The following UBE2V2 variants were observed in gnomAD, a reference collection of about 807,000 sequenced individuals.
The protein encoded by UBE2V2 is ubiquitin conjugating enzyme E2 V2.
UBE2V2 carries 9 observed loss-of-function variants against 17.2 expected under a neutral mutation model. The ratio of observed to expected loss-of-function variants is 0.52; its 90% CI spans 0.32 to 0.91. UBE2V2 has a LOEUF of 0.91. UBE2V2 is among the 40% of genes least tolerant of loss of function. The probability of loss-of-function intolerance (pLI) is 0.04; values close to 1 mark genes in which losing one functional copy is unlikely to be tolerated. For synonymous variants in UBE2V2, 61 were observed against 57.5 expected (o/e 1.06, Z -0.28); for missense variants, 133 against 182.6 (o/e 0.73, Z 1.56).
intron 3 of UBE2V2, among the ~76,000 whole-genome samples, chr8:48,051,131 G>A (rs1012720907): frequency 6.6e-6 from 1 of 152,202 alleles, no homozygotes; most frequent in Non-Finnish European, 1.5e-5. Context: ...ACAGGCGTGA[G>A]CCACTGTGTC....
At chr8:48,017,350 A>G (rs1477710443) in intron 1 of UBE2V2, among the ~76,000 whole-genome samples, 1 of 150,528 alleles carries the variant, frequency 6.6e-6, no homozygotes, top group Admixed American at 6.6e-5. Context: ...TTACGAGTAT[A>G]GTGAACCATT....
At chr8:48,035,014 G>C in intron 1 of UBE2V2, 1 of 985,116 alleles carries the variant, frequency 1.0e-6, no homozygotes, top group Non-Finnish European at 1.2e-6. Flanking sequence ...TTACATGATG[G>C]TTGGCTTCCA....
intron 1 of UBE2V2, among the ~76,000 whole-genome samples, chr8:48,033,010 G>A (rs1720179042): frequency 1.3e-5 from 2 of 152,046 alleles, no homozygotes; most frequent in South Asian, 4.1e-4. Context: ...CACTCAGCAA[G>A]GAATTCCACT....
intron 2 of UBE2V2, among the ~76,000 whole-genome samples, chr8:48,046,858 C>T (rs974593476): frequency 6.6e-6 from 1 of 152,150 alleles, no homozygotes; most frequent in Non-Finnish European, 1.5e-5. Flanking sequence ...GCCGTGGCCT[C>T]CCAAAGTGCT....
At chr8:48,053,422 ATTT>A (rs1218371704) in intron 3 of UBE2V2, among the ~76,000 whole-genome samples, 3 of 136,524 alleles carry the variant, frequency 2.2e-5, no homozygotes, top group Admixed American at 7.5e-5. Flanking sequence ...AGATCTTTTA[ATTT>A]TTTTTTTTTT....
intron 1 of UBE2V2, among the ~76,000 whole-genome samples, chr8:48,024,957 A>G (rs974392841): frequency 6.6e-6 from 1 of 150,534 alleles, no homozygotes; most frequent in Non-Finnish European, 1.5e-5. Context: ...TTTTTTTAGA[A>G]CGAGTCTTGT....
At chr8:48,021,338 G>A (rs1380376250) in intron 1 of UBE2V2, among the ~76,000 whole-genome samples, 3 of 131,374 alleles carry the variant, frequency 2.3e-5, no homozygotes, top group African/African-American at 5.9e-5. Flanking sequence ...ACGGAGTCTC[G>A]CTCTGTCGCC....
chr8:48,023,143 C>T (rs2091316886), intron 1 of UBE2V2, among the ~76,000 whole-genome samples: 1 of 151,728 alleles, frequency 6.6e-6, no homozygotes, highest in South Asian at 2.1e-4. Context: ...TGGTTGGAGA[C>T]CCTTCAACCT....
At chr8:47,998,372 T>C in the UBE2V2 span, among the ~76,000 whole-genome samples, 1 of 151,912 alleles carries the variant, frequency 6.6e-6, no homozygotes, top group Non-Finnish European at 1.5e-5. Context: ...GGGCGTTCCC[T>C]TTCCTGGGGA....
intron 3 of UBE2V2, among the ~76,000 whole-genome samples, chr8:48,053,722 A>G (rs1358836759): frequency 1.3e-5 from 2 of 151,046 alleles, no homozygotes; most frequent in Non-Finnish European, 2.9e-5. Context: ...CACCCTGCCC[A>G]GCTAGATTTT....
chr8:48,059,465 A>G (rs548942866), intron 3 of UBE2V2, among the ~76,000 whole-genome samples: 1 of 151,500 alleles, frequency 6.6e-6, no homozygotes, highest in African/African-American at 2.4e-5. Flanking sequence ...CTGGAGTGCA[A>G]TGGCGTGGTC....
chr8:48,049,753 G>T, intron 2 of UBE2V2, 100 bp from the exon 3 acceptor site: 2 of 1,073,516 alleles, frequency 1.9e-6, no homozygotes, highest in Non-Finnish European at 2.7e-6. Flanking sequence ...ACTGTCTTAC[G>T]TACATTCATA....
At chr8:48,026,555 C>G (rs2091347673) in intron 1 of UBE2V2, among the ~76,000 whole-genome samples, 1 of 152,174 alleles carries the variant, frequency 6.6e-6, no homozygotes, top group Non-Finnish European at 1.5e-5. Flanking sequence ...GAAAGAAACT[C>G]TGTACCCTTT....
intron 2 of UBE2V2, among the ~76,000 whole-genome samples, chr8:48,043,815 T>TA (rs1425889888): frequency 1.3e-5 from 2 of 152,228 alleles, no homozygotes; most frequent in Non-Finnish European, 2.9e-5. Flanking sequence ...CTATGATTCT[T>TA]ACATTTTTTT....
At chr8:48,000,140 T>G in the UBE2V2 span, among the ~76,000 whole-genome samples, 1 of 152,238 alleles carries the variant, frequency 6.6e-6, no homozygotes, top group African/African-American at 2.4e-5. Context: ...AGGCAGAAAT[T>G]GGGCATAAGA....
At chr8:48,007,675 A>G (rs1429527042), upstream of UBE2V2, among the ~76,000 whole-genome samples, 3 of 149,100 alleles carry the variant, frequency 2.0e-5, no homozygotes, top group Non-Finnish European at 4.4e-5. Flanking sequence ...TCAGCCTCCC[A>G]AAGTGTTAGG....
At chr8:48,052,087 T>C (rs1406270032) in intron 3 of UBE2V2, among the ~76,000 whole-genome samples, 1 of 152,284 alleles carries the variant, frequency 6.6e-6, no homozygotes, top group Admixed American at 6.5e-5. Context: ...ACTTTTGGAA[T>C]GGTTGTTCTC....
intron 2 of UBE2V2, among the ~76,000 whole-genome samples, chr8:48,047,202 A>C (rs960514398): frequency 6.6e-6 from 1 of 152,062 alleles, no homozygotes; most frequent in African/African-American, 2.4e-5. Flanking sequence ...CGGCCTCCCA[A>C]AGTGTTAGGA....
chr8:48,008,692 G>A, intron 1 of UBE2V2: 1 of 352,178 alleles, frequency 2.8e-6, no homozygotes, highest in East Asian at 1.2e-4. Flanking sequence ...CCGCGCGCCG[G>A]CGGGCTGGGG....
Sources: allele counts gnomAD v4.1 joint callset (sites outside exome capture counted in the v4.1 genomes callset), GRCh38; gene constraint gnomAD v4.1.1; transcripts MANE v1.5; gene names NCBI Gene and HGNC (gene_info 2026-07-23, HGNC 2026-07-21).